The following CAMK1D variants were observed in gnomAD, a reference collection of about 807,000 sequenced individuals.
The protein encoded by CAMK1D is calcium/calmodulin dependent protein kinase ID.
Under a neutral mutation model 47.7 loss-of-function variants are expected in CAMK1D, and 9 were observed. The ratio of observed to expected loss-of-function variants is 0.19; its 90% CI spans 0.11 to 0.33. The LOEUF (loss-of-function observed/expected upper bound fraction) is 0.33, where lower values mean the gene tolerates loss of function less well. Among genes scored for constraint, CAMK1D ranks in the 10% least tolerant of loss-of-function variants. The probability of loss-of-function intolerance (pLI) is 1.00; values close to 1 mark genes in which losing one functional copy is unlikely to be tolerated. For missense variants in CAMK1D, 291 were observed against 488.7 expected (o/e 0.60, Z 3.81); for synonymous variants, 184 against 184.9 (o/e 0.99, Z 0.04).
rs147613582 is a variant in CAMK1D at position 12,576,790 on chromosome 10, C to T, written c.224+23434C>T. 2.2e-3 allele frequency among the ~76,000 whole-genome samples: 338 copies of T among 152,284 alleles called. 4 individuals carry two copies. Among genetic ancestry groups the T allele is most frequent in the African/African-American group, 7.7e-3 (318 of 41,562 alleles). ...GCCCGGTTCCACGGCCTGGTACTGC[C>T]GTTCTGGAGACTCGGCTCTGTATTT... On this transcript the variant is annotated intron_variant, in intron 2 of 10. Coordinates refer to ENST00000619168, the MANE Select transcript of CAMK1D (RefSeq NM_153498.4).
intron 1 of CAMK1D, among the ~76,000 whole-genome samples, chr10:12,525,522 T>A (rs185804104): frequency 1.9e-4 from 29 of 152,178 alleles, no homozygotes; most frequent in African/African-American, 6.5e-4. Flanking sequence ...AGTGAATTTT[T>A]AAAAAAATTT....
chr10:12,740,777 G>A (rs1835393374), intron 3 of CAMK1D, among the ~76,000 whole-genome samples: 1 of 151,774 alleles, frequency 6.6e-6, no homozygotes, highest in African/African-American at 2.4e-5. Context: ...TGTTTTTTTT[G>A]CATAGGACAA....
chr10:12,386,169 T>C (rs913504563), intron 1 of CAMK1D, among the ~76,000 whole-genome samples: 8 of 152,252 alleles, frequency 5.3e-5, no homozygotes, highest in African/African-American at 1.7e-4. Context: ...CCAAGCGTGA[T>C]GGCTCCTGTA....
chr10:12,685,854 C>T (rs987197958), intron 3 of CAMK1D, among the ~76,000 whole-genome samples: 3 of 152,316 alleles, frequency 2.0e-5, no homozygotes, highest in Non-Finnish European at 2.9e-5. Flanking sequence ...TTCGGCTCTT[C>T]GGGAAAGTTG....
intron 2 of CAMK1D, among the ~76,000 whole-genome samples, chr10:12,656,461 C>T (rs45528231): frequency 0.066 from 9,976 of 152,128 alleles, 389 homozygotes; most frequent in South Asian, 0.18. Context: ...CACTGCGCTC[C>T]AGCCTGGGTG....
At chr10:12,606,173 G>T (rs570557242) in intron 2 of CAMK1D, among the ~76,000 whole-genome samples, 43 of 150,746 alleles carry the variant, frequency 2.9e-4, no homozygotes, top group East Asian at 2.8e-3. Flanking sequence ...ATCCTCCTGT[G>T]AGCCGCGGCT....
At chr10:12,794,959 C>G (rs560413533) in intron 6 of CAMK1D, among the ~76,000 whole-genome samples, 1 of 152,106 alleles carries the variant, frequency 6.6e-6, no homozygotes, top group East Asian at 1.9e-4. Context: ...TGAGAGGCAT[C>G]GAGTCTGTAT....
intron 6 of CAMK1D, among the ~76,000 whole-genome samples, chr10:12,799,201 C>T (rs923970402): frequency 3.3e-5 from 5 of 152,312 alleles, no homozygotes; most frequent in Non-Finnish European, 4.4e-5. Flanking sequence ...GCCACCTTCC[C>T]GCTTTTGGTC....
Position 12,833,451 on chromosome 10 carries a change from G to T in CAMK1D, c.*4564G>T, listed in dbSNP as rs2431635. The T allele has an allele frequency of 0.07, 10,725 of 152,342 alleles. 455 individuals are homozygous for T. The highest frequency in any genetic ancestry group is 0.12 in the Middle Eastern group (36 of 294). The allele number at this position is 152,342 out of a possible 1,614,324, so 9.4% of individuals were successfully genotyped here. A position where few individuals can be genotyped will look rare whatever the true frequency, so the allele number is the denominator to read the frequency against. On this transcript the variant is annotated 3_prime_UTR_variant, in exon 11 of 11. Transcript: ENST00000619168. ...AACAGAAAGGAAAGATGATATCCCAGTGCAGGTAGACTTTATTTTTGAAAG... is the reference window on the plus strand; with the variant it reads ...AACAGAAAGGAAAGATGATATCCCATTGCAGGTAGACTTTATTTTTGAAAG...
chr10:12,693,135 G>A (rs191670442), intron 3 of CAMK1D, among the ~76,000 whole-genome samples: 4 of 152,176 alleles, frequency 2.6e-5, no homozygotes, highest in Admixed American at 6.5e-5. Context: ...AGGCCAAGGC[G>A]GGTAGGTCAC....
chr10:12,819,289 G>A (rs569479659), intron 8 of CAMK1D, among the ~76,000 whole-genome samples: 1 of 152,324 alleles, frequency 6.6e-6, no homozygotes, highest in South Asian at 2.1e-4. Flanking sequence ...GCAGATGAGC[G>A]TCTGGGCATA....
intron 3 of CAMK1D, 101 bp from the exon 4 acceptor site, chr10:12,760,847 T>C (rs552347955): frequency 1.5e-6 from 2 of 1,314,456 alleles, no homozygotes; most frequent in Non-Finnish European, 2.1e-6. Flanking sequence ...TGAAGATGGA[T>C]TCATTTTTGC....
At chr10:12,628,705 A>G (rs1199907776) in intron 2 of CAMK1D, among the ~76,000 whole-genome samples, 1 of 152,174 alleles carries the variant, frequency 6.6e-6, no homozygotes, top group Non-Finnish European at 1.5e-5. Context: ...TGACAAATAT[A>G]TGACATGTAT....
At position 12,553,283 on chromosome 10, in the gene CAMK1D, G is replaced by C. The variant is rs1174614968; in HGVS notation, c.151G>C (p.Val51Leu). ...GAAGGCAACTGGCAAGCTCTTTGCT[G>C]TGAAGTGTATCCCTAAGAAGGCGCT... is the stretch of plus-strand genomic sequence containing the variant. ...EEKATGKLFA[V>L]KCIPKKALKG... The change falls in exon 2 of 11, where the codon GTG (valine) becomes CTG (leucine). Residue 51 changes from valine (V) to leucine (L), a missense_variant. This residue lies in a region of CAMK1D where 219 missense variants were observed against 424.3 expected (regional missense o/e 0.52). Transcript: ENST00000619168. 6.2e-7 allele frequency: 1 copy of C among 1,614,084 alleles called. No homozygotes were observed. The highest frequency in any genetic ancestry group is 2.2e-5 in the East Asian group (1 of 44,892).
intron 2 of CAMK1D, among the ~76,000 whole-genome samples, chr10:12,627,129 T>C: frequency 6.8e-6 from 1 of 147,054 alleles, no homozygotes; most frequent in South Asian, 2.2e-4. Flanking sequence ...TCGCCCACAC[T>C]GGAGTGCAGT....
intron 1 of CAMK1D, among the ~76,000 whole-genome samples, chr10:12,476,081 C>T (rs542819208): frequency 6.6e-6 from 1 of 152,106 alleles, no homozygotes; most frequent in African/African-American, 2.4e-5. Context: ...ATCACGAGTT[C>T]AGGAGTTTGA....
At chr10:12,606,254 C>T (rs74119232) in intron 2 of CAMK1D, among the ~76,000 whole-genome samples, 1,787 of 152,278 alleles carry the variant, frequency 0.012, 37 homozygotes, top group African/African-American at 0.04. Context: ...GCCCCATGGG[C>T]CCCTCACACA....
At chr10:12,801,614 T>TTCCA (rs1281955659) in intron 6 of CAMK1D, among the ~76,000 whole-genome samples, 1 of 152,022 alleles carries the variant, frequency 6.6e-6, no homozygotes, top group Non-Finnish European at 1.5e-5. Flanking sequence ...TCATCCATCC[T>TTCCA]TCCATCCATC....
At position 12,728,301 on chromosome 10, in the gene CAMK1D, G is replaced by T. The variant is rs1255492297; in HGVS notation, c.300-32647G>T. Among the ~76,000 whole-genome samples the T allele has an allele frequency of 2.6e-5, 4 of 152,226 alleles. No individual in the cohort carries two copies. In the East Asian group the frequency reaches 7.7e-4, roughly 29 times the overall value. ...GCTACCCTCTTGGTGCTAACATCTT[G>T]CAGGGACAGCCCAGTTTGCATTGTG... On this transcript the variant is annotated intron_variant, in intron 3 of 10. Coordinates refer to ENST00000619168, the MANE Select transcript of CAMK1D (RefSeq NM_153498.4).
Sources: gnomAD v4.1 joint callset for allele counts (sites outside exome capture counted in the v4.1 genomes callset) on GRCh38, gnomAD v4.1.1 for gene constraint, gnomAD v4.1.1 regional missense constraint, MANE v1.5 for transcripts, NCBI Gene and HGNC (gene_info 2026-07-23, HGNC 2026-07-21) for gene names.